Variants in FAM81B observed in about 807,000 individuals in gnomAD.
FAM81B encodes family with sequence similarity 81 member B, also known as protein FAM81B.
A neutral mutation model predicts 58.7 loss-of-function variants in FAM81B; 60 were observed. The ratio of observed to expected loss-of-function variants is 1.02; its 90% CI spans 0.83 to 1.27. The LOEUF is 1.27. Ranked by LOEUF, FAM81B falls within the 50% of genes most tolerant of loss-of-function variation. FAM81B has a pLI of 0.00. For missense variants in FAM81B, 491 were observed against 522.0 expected, an observed-to-expected ratio of 0.94 and a Z score of 0.58; for synonymous variants, 189 against 179.6, an observed-to-expected ratio of 1.05 and a Z score of -0.42.
At position 95,423,755 on chromosome 5, in the gene FAM81B, T is replaced by C. The variant is rs560750331; in HGVS notation, c.656+3353T>C. ...GGAAAACAAAAAACTCCATCTTTAA[T>C]ATAATATGGAAGTTGCTGTAACCAC... On this transcript the variant is annotated intron_variant, in intron 5 of 9. Coordinates refer to ENST00000283357, the MANE Select transcript of FAM81B (RefSeq NM_152548.3). 2.6e-5 allele frequency among the ~76,000 whole-genome samples: 4 copies of C among 152,248 alleles called. No individual in the cohort carries two copies. In the South Asian group the frequency reaches 8.3e-4, roughly 32 times the overall value.
chr5:95,424,339 A>C, intron 5 of FAM81B: 1 of 859,966 alleles, frequency 1.2e-6, no homozygotes, highest in Non-Finnish European at 1.6e-6. Context: ...ACATAAGCAA[A>C]AGACTAGTGA....
At chr5:95,449,809 G>GA (rs952911354) in intron 9 of FAM81B, among the ~76,000 whole-genome samples, 28 of 151,820 alleles carry the variant, frequency 1.8e-4, no homozygotes, top group African/African-American at 6.0e-4. Flanking sequence ...TAACAAGACT[G>GA]AAAAAAAATC....
At chr5:95,394,644 G>C (rs1761915896) in intron 2 of FAM81B, among the ~76,000 whole-genome samples, 1 of 152,296 alleles carries the variant, frequency 6.6e-6, no homozygotes, top group African/African-American at 2.4e-5. Flanking sequence ...TCGAGGGGAA[G>C]ACGTGGCTTA....
chr5:95,414,083 C>A lies in FAM81B; in HGVS notation c.430C>A (p.Gln144Lys). The change falls in exon 4 of 10, where the codon CAG becomes AAG. Residue 144 changes from glutamine (Q) to lysine (K), a missense_variant. Coordinates refer to ENST00000283357, the MANE Select transcript of FAM81B (RefSeq NM_152548.3). Reference protein sequence around the residue: ...RIKEDISACLQGTHGFRKEES... With the variant: ...RIKEDISACLKGTHGFRKEES... ...CAAGGAGGACATCTCTGCTTGCCTG[C>A]AGGGGACCCATGGCTTTCGAAAAGA... The A allele has an allele frequency of 6.2e-7, 1 of 1,614,082 alleles. No homozygotes were observed. Among genetic ancestry groups the A allele is most frequent in the East Asian group, 2.2e-5 (1 of 44,874 alleles).
intron 4 of FAM81B, among the ~76,000 whole-genome samples, chr5:95,416,286 C>T (rs1762537577): frequency 6.6e-6 from 1 of 152,152 alleles, no homozygotes; most frequent in African/African-American, 2.4e-5. Context: ...AAGATCAATT[C>T]AAGTGTGAGC....
At chr5:95,400,336 G>C (rs113083460) in intron 3 of FAM81B, among the ~76,000 whole-genome samples, 6,790 of 152,048 alleles carry the variant, frequency 0.045, 319 homozygotes, top group African/African-American at 0.12. Flanking sequence ...AGATGTGTCA[G>C]TCCAATCTCT....
chr5:95,423,996 C>A (rs1449665810), intron 5 of FAM81B: 1 of 1,287,918 alleles, frequency 7.8e-7, no homozygotes, highest in Non-Finnish European at 1.0e-6. Context: ...CACCAAACAG[C>A]CGGGAGGTAT....
intron 9 of FAM81B, 27 bp from the exon 10 acceptor site, chr5:95,450,122 T>C (rs2152771667): frequency 1.3e-6 from 2 of 1,587,260 alleles, no homozygotes; most frequent in East Asian, 2.3e-5. Context: ...ATTGTTTAAG[T>C]GTACCTATTC....
intron 7 of FAM81B, among the ~76,000 whole-genome samples, chr5:95,437,142 T>C (rs1386140396): frequency 6.6e-6 from 1 of 152,112 alleles, no homozygotes; most frequent in Non-Finnish European, 1.5e-5. Flanking sequence ...CTCAACTGAA[T>C]TGACACAATC....
At chr5:95,412,345 A>C (rs1186718934) in intron 3 of FAM81B, among the ~76,000 whole-genome samples, 1 of 152,198 alleles carries the variant, frequency 6.6e-6, no homozygotes, top group African/African-American at 2.4e-5. Flanking sequence ...ACTCATATGC[A>C]GAAGCAATAC....
Position 95,448,477 on chromosome 5 carries a change from C to T in FAM81B, c.1225+13C>T, listed in dbSNP as rs1745670770. On this transcript the variant is annotated intron_variant, in intron 9 of 9. Coordinates refer to ENST00000283357, the MANE Select transcript of FAM81B (RefSeq NM_152548.3). Reference sequence around the variant, plus strand: ...GAATATCAATCAGGTGAGCAGATACCTTTTATTAAGTAAAGAATATCTGTC... The same window carrying T: ...GAATATCAATCAGGTGAGCAGATACTTTTTATTAAGTAAAGAATATCTGTC... 1 of 1,584,116 alleles carries T rather than the reference C, an allele frequency of 6.3e-7. No individual in the cohort carries two copies. The highest frequency in any genetic ancestry group is 1.2e-5 in the South Asian group (1 of 84,556).
At chr5:95,398,813 A>G (rs1192654416) in intron 3 of FAM81B, among the ~76,000 whole-genome samples, 1 of 152,216 alleles carries the variant, frequency 6.6e-6, no homozygotes, top group Non-Finnish European at 1.5e-5. Context: ...CCATATGGAC[A>G]TCTAGGGGAA....
At chr5:95,398,589 G>T (rs1039410221) in intron 3 of FAM81B, among the ~76,000 whole-genome samples, 1 of 152,110 alleles carries the variant, frequency 6.6e-6, no homozygotes, top group African/African-American at 2.4e-5. Flanking sequence ...CAGAGGTTTG[G>T]CCTTAAAACC....
intron 4 of FAM81B, among the ~76,000 whole-genome samples, chr5:95,415,915 A>G (rs1164881068): frequency 6.6e-6 from 1 of 152,226 alleles, no homozygotes; most frequent in Non-Finnish European, 1.5e-5. Flanking sequence ...AAATCTCTAG[A>G]AATCTTGTAA....
chr5:95,440,892 A>T (rs1353861923), intron 7 of FAM81B, among the ~76,000 whole-genome samples: 2 of 152,194 alleles, frequency 1.3e-5, no homozygotes, highest in East Asian at 3.9e-4. Context: ...GGCCACCTTC[A>T]CTCGGGATAC....
intron 6 of FAM81B, among the ~76,000 whole-genome samples, chr5:95,433,614 G>A (rs1744994206): frequency 6.6e-6 from 1 of 152,046 alleles, no homozygotes; most frequent in Non-Finnish European, 1.5e-5. Context: ...GTAAGTTTTA[G>A]TTTTTGGAAT....
Position 95,436,351 on chromosome 5 carries a change from T to C in FAM81B, c.787-449T>C, listed in dbSNP as rs563236658. ...CAGAGCCTGATTGTGCATTTAAACA[T>C]TTATTCAATAAGTATTTGTTGAGCA... On this transcript the variant is annotated intron_variant, in intron 6 of 9. Transcript: ENST00000283357. Among the ~76,000 whole-genome samples the C allele has an allele frequency of 1.6e-3, 243 of 152,346 alleles. 1 individual carries two copies. Among genetic ancestry groups the C allele is most frequent in the African/African-American group, 5.6e-3 (234 of 41,570 alleles).
At chr5:95,440,880 AGGGCCACCTTCACTCG>A (rs942722510) in intron 7 of FAM81B, among the ~76,000 whole-genome samples, 1 of 152,224 alleles carries the variant, frequency 6.6e-6, no homozygotes, top group African/African-American at 2.4e-5. Flanking sequence ...GCTGCAGGCC[AGGGCCACCTTCACTCG>A]GGATACCTCT....
At chr5:95,414,281 G>C in intron 4 of FAM81B, 91 bp downstream of exon 4, 3 of 1,362,118 alleles carry the variant, frequency 2.2e-6, no homozygotes, top group Non-Finnish European at 3.0e-6. Context: ...CATTTTTCAA[G>C]TGCAGAAATA....
Sources: gnomAD v4.1 joint callset for allele counts (sites outside exome capture counted in the v4.1 genomes callset) on GRCh38, gnomAD v4.1.1 for gene constraint, MANE v1.5 for transcripts, NCBI Gene and HGNC (gene_info 2026-07-23, HGNC 2026-07-21) for gene names.